The following NIBAN1 variants were observed in gnomAD, a reference collection of about 807,000 sequenced individuals.
The protein encoded by NIBAN1 is protein Niban 1.
In NIBAN1, 81 loss-of-function variants were observed where a neutral mutation model predicts 75.1. The observed-to-expected ratio is 1.08, with a 90% CI of 0.90 to 1.30. The LOEUF (loss-of-function observed/expected upper bound fraction) is 1.30, where lower values mean the gene tolerates loss of function less well. Ranked by LOEUF, NIBAN1 falls within the 50% of genes most tolerant of loss-of-function variation. The pLI is 0.00. For missense variants in NIBAN1, 1,133 were observed against 1,128.1 expected, an observed-to-expected ratio of 1.00 and a Z score of -0.06; for synonymous variants, 436 against 424.8, an observed-to-expected ratio of 1.03 and a Z score of -0.32.
intron 1 of NIBAN1, among the ~76,000 whole-genome samples, chr1:184,924,579 T>G (rs900353500): frequency 6.6e-6 from 1 of 152,190 alleles, no homozygotes; most frequent in African/African-American, 2.4e-5. Flanking sequence ...TATTTGCTTC[T>G]CCTTTGTTTT....
chr1:184,953,145 C>T (rs1032490725), intron 1 of NIBAN1, among the ~76,000 whole-genome samples: 4 of 152,134 alleles, frequency 2.6e-5, no homozygotes, highest in Non-Finnish European at 5.9e-5. Context: ...AAGTGCTTTA[C>T]GAGGATTAGT....
chr1:184,958,836 A>G (rs1232799053), intron 1 of NIBAN1, among the ~76,000 whole-genome samples: 1 of 152,148 alleles, frequency 6.6e-6, no homozygotes, highest in Non-Finnish European at 1.5e-5. Flanking sequence ...CTCTAACAAA[A>G]CCATTTTAAA....
At chr1:184,933,136 C>A (rs1021877233) in intron 1 of NIBAN1, among the ~76,000 whole-genome samples, 1 of 152,166 alleles carries the variant, frequency 6.6e-6, no homozygotes, top group East Asian at 1.9e-4. Context: ...TACTTCCCTA[C>A]ACTCCCACCA....
intron 5 of NIBAN1, among the ~76,000 whole-genome samples, chr1:184,843,459 AAG>A (rs1655351369): frequency 6.6e-6 from 1 of 152,180 alleles, no homozygotes; most frequent in Admixed American, 6.5e-5. Context: ...CGCAAAAAAA[AAG>A]AGAGAATATT....
At chr1:184,955,990 A>T (rs1479600040) in intron 1 of NIBAN1, among the ~76,000 whole-genome samples, 1 of 151,122 alleles carries the variant, frequency 6.6e-6, no homozygotes, top group African/African-American at 2.4e-5. Context: ...AGAATCATGA[A>T]GCCACTAGCC....
At chr1:184,935,150 G>A (rs368870404) in intron 1 of NIBAN1, among the ~76,000 whole-genome samples, 4 of 152,126 alleles carry the variant, frequency 2.6e-5, no homozygotes, top group Non-Finnish European at 2.9e-5. Context: ...TTTAGCAAAT[G>A]TCACATACTA....
chr1:184,941,419 GC>G (rs1263856467), intron 1 of NIBAN1, among the ~76,000 whole-genome samples: 1 of 152,106 alleles, frequency 6.6e-6, no homozygotes, highest in African/African-American at 2.4e-5. Flanking sequence ...GGAGGCCGAG[GC>G]AGGTAGATTG....
rs1000716280 is a variant in NIBAN1, at chr1:184,795,901, C to A, written c.1863G>T (p.Glu621Asp). Reference protein sequence around the residue: ...SETLSNEVFQESEEEKQPEVP... With the variant: ...SETLSNEVFQDSEEEKQPEVP... ...CCTCAGGCTGCTTCTCTTCCTCTGA[C>A]TCCTGGAATACTTCGTTACTGAGGG... The change falls in exon 14 of 14, where the codon GAG becomes GAT. Residue 621 changes from glutamate (E) to aspartate (D), a missense_variant. Physicochemically the swap from Glu to Asp is conservative, Grantham distance 45 (BLOSUM62 2). Coordinates refer to ENST00000367511, the MANE Select transcript of NIBAN1 (RefSeq NM_052966.4). 2 of 1,613,826 alleles carry A rather than the reference C, an allele frequency of 1.2e-6. No homozygotes were observed. The highest frequency in any genetic ancestry group is 1.7e-6 in the Non-Finnish European group (2 of 1,179,942).
intron 1 of NIBAN1, among the ~76,000 whole-genome samples, chr1:184,956,715 T>A (rs1164130601): frequency 6.6e-6 from 1 of 152,222 alleles, no homozygotes; most frequent in African/African-American, 2.4e-5. Context: ...ATCCTCTCTA[T>A]ATTTTTTTCA....
Position 184,942,108 on chromosome 1 carries a change from C to CT in NIBAN1, c.55+32193dup, listed in dbSNP as rs562452291. ...TAGACAATTTAAAGTTTATTGAAGT[C>CT]TTTGAGTTATCATTTACTCAAATAC... On this transcript the variant is annotated intron_variant, in intron 1 of 13. Coordinates refer to ENST00000367511, the MANE Select transcript of NIBAN1 (RefSeq NM_052966.4). 2.8e-3 allele frequency among the ~76,000 whole-genome samples: 426 copies of CT among 152,270 alleles called. 3 individuals carry two copies. The highest frequency in any genetic ancestry group is 4.0e-3 in the Non-Finnish European group (270 of 68,030).
chr1:184,893,753 T>C (rs187859598), intron 3 of NIBAN1, among the ~76,000 whole-genome samples: 51 of 152,328 alleles, frequency 3.3e-4, no homozygotes, highest in African/African-American at 1.2e-3. Flanking sequence ...CAAATACTGG[T>C]CCTTCTGTCT....
chr1:184,968,366 C>T (rs1658853374), intron 1 of NIBAN1, among the ~76,000 whole-genome samples: 1 of 152,160 alleles, frequency 6.6e-6, no homozygotes, highest in African/African-American at 2.4e-5. Flanking sequence ...ACTAGCAACT[C>T]CTAATTTGCA....
chr1:184,942,610 C>T (rs1658119244), intron 1 of NIBAN1, among the ~76,000 whole-genome samples: 1 of 148,730 alleles, frequency 6.7e-6, no homozygotes, highest in African/African-American at 2.5e-5. Flanking sequence ...AGGAGAATGG[C>T]GTGAACCCGG....
chr1:184,801,755 T>C (rs971424568), intron 12 of NIBAN1, among the ~76,000 whole-genome samples: 2 of 152,242 alleles, frequency 1.3e-5, no homozygotes, highest in Non-Finnish European at 2.9e-5. Context: ...GGATCACATG[T>C]GATACAAATC....
intron 5 of NIBAN1, among the ~76,000 whole-genome samples, chr1:184,879,105 C>T (rs1017884355): frequency 6.6e-6 from 1 of 152,248 alleles, no homozygotes; most frequent in East Asian, 1.9e-4. Context: ...AAGAATTTTG[C>T]TTGGGATATT....
chr1:184,972,731 C>T (rs905216280), intron 1 of NIBAN1, among the ~76,000 whole-genome samples: 1 of 152,212 alleles, frequency 6.6e-6, no homozygotes, highest in African/African-American at 2.4e-5. Context: ...AATTTAATAG[C>T]TTTCAGAATA....
chr1:184,931,453 T>G (rs989735870), intron 1 of NIBAN1, among the ~76,000 whole-genome samples: 2 of 152,214 alleles, frequency 1.3e-5, no homozygotes, highest in Admixed American at 1.3e-4. Flanking sequence ...TTACTTATAG[T>G]GTTAAATTTC....
chr1:184,931,487 A>T (rs1657821734), intron 1 of NIBAN1, among the ~76,000 whole-genome samples: 1 of 152,234 alleles, frequency 6.6e-6, no homozygotes, highest in South Asian at 2.1e-4. Flanking sequence ...ATGTCTTTAC[A>T]TGTAACTCAA....
intron 5 of NIBAN1, among the ~76,000 whole-genome samples, chr1:184,881,522 A>T (rs914054573): frequency 6.6e-6 from 1 of 152,100 alleles, no homozygotes; most frequent in Non-Finnish European, 1.5e-5. Flanking sequence ...AGATCCCAAG[A>T]GAGGGTTCTT....
Sources: gnomAD v4.1 joint callset for allele counts (sites outside exome capture counted in the v4.1 genomes callset) on GRCh38, gnomAD v4.1.1 for gene constraint, MANE v1.5 for transcripts, NCBI Gene and HGNC (gene_info 2026-07-23, HGNC 2026-07-21) for gene names.